Variants in ZMAT4 observed in about 807,000 individuals in gnomAD.
The protein encoded by ZMAT4 is zinc finger matrin-type 4, also known as zinc finger matrin-type protein 4.
In ZMAT4, 17 loss-of-function variants were observed where a neutral mutation model predicts 28.7. The ratio of observed to expected loss-of-function variants is 0.59; its 90% CI spans 0.41 to 0.89. The LOEUF is 0.89. Ranked by LOEUF, ZMAT4 falls within the 40% of genes least tolerant of loss-of-function variation. ZMAT4 has a pLI of 0.00. For missense variants in ZMAT4, 240 were observed against 283.8 expected (o/e 0.85, Z 1.11); for synonymous variants, 117 against 109.2 (o/e 1.07, Z -0.44).
chr8:40,881,444 A>AAAGAAAGAAAG (rs1162264548), intron 1 of ZMAT4, among the ~76,000 whole-genome samples: 2 of 111,774 alleles, frequency 1.8e-5, no homozygotes, highest in African/African-American at 7.6e-5. Context: ...AGAAAGAAAG[A>AAAGAAAGAAAG]AAGAAAGAAA....
chr8:40,534,892 A>T (rs973323003), intron 6 of ZMAT4, among the ~76,000 whole-genome samples: 2 of 151,990 alleles, frequency 1.3e-5, no homozygotes, highest in South Asian at 4.1e-4. Context: ...CATGTTGGCC[A>T]TGCTGGTCTC....
Position 40,666,866 on chromosome 8 carries a change from A to G in ZMAT4, c.577+7838T>C, listed in dbSNP as rs1399061708. Among the ~76,000 whole-genome samples, 4 of 152,286 alleles carry G rather than the reference A, an allele frequency of 2.6e-5. No homozygotes were observed. The East Asian group carries it at 5.8e-4, about 22-fold the overall frequency. Reference sequence around the variant, plus strand: ...CAATATGAGAAAGCAGAGAACCACAAAGCCTAGAAATATCAAAAAATTAAT... The same window carrying G: ...CAATATGAGAAAGCAGAGAACCACAGAGCCTAGAAATATCAAAAAATTAAT... On this transcript the variant is annotated intron_variant, in intron 5 of 6. Transcript: ENST00000297737.
intron 3 of ZMAT4, among the ~76,000 whole-genome samples, chr8:40,731,398 C>G (rs186572337): frequency 5.7e-5 from 8 of 140,904 alleles, no homozygotes; most frequent in Non-Finnish European, 1.2e-4. Flanking sequence ...ATCCTTGGCA[C>G]AGAGACAGCC....
chr8:40,829,384 G>A lies in ZMAT4; in HGVS notation c.-4-3704C>T, dbSNP rs903441603. Among the ~76,000 whole-genome samples the A allele has an allele frequency of 7.9e-5, 12 of 152,300 alleles. No homozygotes were observed. In the South Asian group the frequency reaches 2.1e-3, roughly 26 times the overall value. On this transcript the variant is annotated intron_variant, in intron 1 of 6. Transcript: ENST00000297737. Reference sequence around the variant, plus strand: ...CAATGGAGGTAAGAGGCCTCCACCCGATGTGGACGCAGTACTAGAGCAGGG... The same window carrying A: ...CAATGGAGGTAAGAGGCCTCCACCCAATGTGGACGCAGTACTAGAGCAGGG...
At chr8:40,861,054 A>T (rs1817471217) in intron 1 of ZMAT4, among the ~76,000 whole-genome samples, 1 of 152,194 alleles carries the variant, frequency 6.6e-6, no homozygotes, top group Admixed American at 6.5e-5. Flanking sequence ...ACTCTCTTAC[A>T]GTCCCTGTTC....
chr8:40,632,853 C>T (rs1471996063), intron 5 of ZMAT4, among the ~76,000 whole-genome samples: 2 of 152,180 alleles, frequency 1.3e-5, no homozygotes, highest in East Asian at 3.9e-4. Flanking sequence ...TGTGATTCTC[C>T]TTTCTGTATT....
chr8:40,675,787 G>A (rs1251704996), intron 4 of ZMAT4, among the ~76,000 whole-genome samples: 1 of 152,154 alleles, frequency 6.6e-6, no homozygotes, highest in Non-Finnish European at 1.5e-5. Flanking sequence ...TATTGTAATA[G>A]GCTGTTTTCA....
intron 2 of ZMAT4, among the ~76,000 whole-genome samples, chr8:40,806,145 T>C (rs1297921404): frequency 6.6e-6 from 1 of 152,170 alleles, no homozygotes; most frequent in Admixed American, 6.5e-5. Context: ...CTAAAAGAAT[T>C]TGTAGAATGT....
intron 3 of ZMAT4, among the ~76,000 whole-genome samples, chr8:40,766,793 T>G (rs532511771): frequency 3.7e-4 from 57 of 152,364 alleles, no homozygotes; most frequent in African/African-American, 1.3e-3. Flanking sequence ...GTAAAGTTTC[T>G]TCAGTGATCA....
At chr8:40,583,213 A>G (rs561368541) in intron 5 of ZMAT4, among the ~76,000 whole-genome samples, 4 of 152,150 alleles carry the variant, frequency 2.6e-5, no homozygotes, top group Non-Finnish European at 4.4e-5. Context: ...GGACTCTGTC[A>G]TCACCTGCAA....
rs889575062 is a variant in ZMAT4, at chr8:40,539,564, T to A, written c.675-7326A>T. ...GGATGTTCATGTACATGGTTATTAA[T>A]TTCATTTAGCCTCAGTTTATTCATC... On this transcript the variant is annotated intron_variant, in intron 6 of 6. Coordinates refer to ENST00000297737, the MANE Select transcript of ZMAT4 (RefSeq NM_024645.3). Among the ~76,000 whole-genome samples, 5 of 152,246 alleles carry A rather than the reference T, an allele frequency of 3.3e-5. No individual in the cohort carries two copies. In the East Asian group the frequency reaches 7.7e-4, roughly 23 times the overall value.
At chr8:40,713,627 G>T (rs1374307699) in intron 3 of ZMAT4, among the ~76,000 whole-genome samples, 1 of 151,990 alleles carries the variant, frequency 6.6e-6, no homozygotes, top group African/African-American at 2.4e-5. Flanking sequence ...TACATATCCA[G>T]GCCAGGCGCA....
intron 5 of ZMAT4, among the ~76,000 whole-genome samples, chr8:40,622,169 C>A (rs1184131817): frequency 6.6e-6 from 1 of 152,108 alleles, no homozygotes; most frequent in Admixed American, 6.5e-5. Flanking sequence ...TTTCACTAAC[C>A]AATTACTATG....
chr8:40,611,663 G>C (rs988662558), intron 5 of ZMAT4, among the ~76,000 whole-genome samples: 4 of 152,110 alleles, frequency 2.6e-5, no homozygotes, highest in Non-Finnish European at 4.4e-5. Flanking sequence ...TTAATTTATT[G>C]TCTGGTGCAT....
chr8:40,688,447 C>T (rs887091449), intron 4 of ZMAT4, among the ~76,000 whole-genome samples: 2 of 152,048 alleles, frequency 1.3e-5, no homozygotes, highest in African/African-American at 4.8e-5. Flanking sequence ...CAGGGCAAGA[C>T]TCCATCTCAA....
chr8:40,535,119 T>C (rs1802806687), intron 6 of ZMAT4, among the ~76,000 whole-genome samples: 1 of 152,136 alleles, frequency 6.6e-6, no homozygotes. Flanking sequence ...AGTGTCCCTG[T>C]CAGGGAATGT....
intron 1 of ZMAT4, among the ~76,000 whole-genome samples, chr8:40,874,457 CCTT>C: frequency 6.6e-6 from 1 of 152,290 alleles, no homozygotes; most frequent in Non-Finnish European, 1.5e-5. Context: ...TCAGCATTCA[CCTT>C]AACCCTTTCC....
intron 5 of ZMAT4, among the ~76,000 whole-genome samples, chr8:40,611,625 C>A (rs1394898565): frequency 1.3e-5 from 2 of 152,196 alleles, no homozygotes; most frequent in Non-Finnish European, 2.9e-5. Flanking sequence ...CAGGCGTGAG[C>A]CATCGCACCC....
At chr8:40,783,277 A>G (rs558066476) in intron 2 of ZMAT4, among the ~76,000 whole-genome samples, 44 of 152,250 alleles carry the variant, frequency 2.9e-4, no homozygotes, top group Non-Finnish European at 5.9e-4. Context: ...TTGAAATATT[A>G]CACTACGTGA....
Sources: allele counts gnomAD v4.1 joint callset (sites outside exome capture counted in the v4.1 genomes callset), GRCh38; gene constraint gnomAD v4.1.1; transcripts MANE v1.5; gene names NCBI Gene and HGNC (gene_info 2026-07-23, HGNC 2026-07-21).